The following UGGT2 variants were observed in gnomAD, a reference collection of about 807,000 sequenced individuals.
UGGT2 encodes the protein UDP-glucose:glycoprotein glucosyltransferase 2.
A neutral mutation model predicts 192.1 loss-of-function variants in UGGT2; 180 were observed. The observed-to-expected ratio is 0.94, with a 90% CI of 0.83 to 1.06. The LOEUF (loss-of-function observed/expected upper bound fraction) is 1.06. UGGT2 is among the 50% of genes least tolerant of loss of function. The pLI is 0.00. For missense variants in UGGT2, 1,849 were observed against 1,795.7 expected, an observed-to-expected ratio of 1.03 and a Z score of -0.54; for synonymous variants, 580 against 591.0, an observed-to-expected ratio of 0.98 and a Z score of 0.27.
chr13:95,921,380 T>C (rs1279828204), intron 20 of UGGT2, among the ~76,000 whole-genome samples: 1 of 151,902 alleles, frequency 6.6e-6, no homozygotes, highest in African/African-American at 2.4e-5. Context: ...TGACAGTATT[T>C]TTGTTGTTGT....
intron 20 of UGGT2, among the ~76,000 whole-genome samples, chr13:95,911,743 A>G (rs142366482): frequency 1.1e-4 from 16 of 152,248 alleles, no homozygotes; most frequent in African/African-American, 3.6e-4. Flanking sequence ...TATGAGGCCA[A>G]TATCATCCTG....
intron 5 of UGGT2, among the ~76,000 whole-genome samples, chr13:96,007,301 C>T (rs1399532625): frequency 6.6e-6 from 1 of 152,082 alleles, no homozygotes; most frequent in Non-Finnish European, 1.5e-5. Context: ...GAACATACCT[C>T]AAAATAATTA....
rs1190792430 is a variant in UGGT2 at position 95,943,530 on chromosome 13, A to G, written c.1678-3439T>C. Among the ~76,000 whole-genome samples the G allele has an allele frequency of 2.0e-5, 3 of 152,016 alleles. No individual in the cohort carries two copies. The East Asian group carries it at 5.8e-4, about 29-fold the overall frequency. On this transcript the variant is annotated intron_variant, in intron 15 of 38. Transcript: ENST00000376747. Reference sequence around the variant, plus strand: ...GGCTATATATGTTATTAATTTATCCAAGCACCTAAAACAGGGTGTGGTATG... The same window carrying G: ...GGCTATATATGTTATTAATTTATCCGAGCACCTAAAACAGGGTGTGGTATG...
In UGGT2 at chr13:95,912,793, C is replaced by A. The variant is rs925370528; in HGVS notation, c.2296-9733G>T. ...CTGCATTGCCAAGACAATCCTAAGC[C>A]AAAAGAACAAAGCTGGAGGCATCAC... is the stretch of plus-strand genomic sequence containing the variant. On this transcript the variant is annotated intron_variant, in intron 20 of 38. Coordinates refer to ENST00000376747, the MANE Select transcript of UGGT2 (RefSeq NM_020121.4). Among the ~76,000 whole-genome samples, 9 of 152,034 alleles carry A rather than the reference C, an allele frequency of 5.9e-5. No individual in the cohort carries two copies. The South Asian group carries it at 6.2e-4, about 11-fold the overall frequency.
intron 4 of UGGT2, 92 bp downstream of exon 4, chr13:96,022,948 G>T: frequency 1.3e-6 from 1 of 784,168 alleles, no homozygotes; most frequent in Non-Finnish European, 1.8e-6. Context: ...CAATGTCTTA[G>T]AATATTAAAT....
At chr13:95,853,116 C>G (rs1454750991) in intron 36 of UGGT2, among the ~76,000 whole-genome samples, 1 of 152,154 alleles carries the variant, frequency 6.6e-6, no homozygotes, top group Non-Finnish European at 1.5e-5. Context: ...CTCATTCTCT[C>G]TCCTGCCACC....
intron 4 of UGGT2, among the ~76,000 whole-genome samples, chr13:96,019,048 A>C (rs773176898): frequency 6.7e-6 from 1 of 149,568 alleles, no homozygotes; most frequent in East Asian, 2.0e-4. Flanking sequence ...TATTGATAAG[A>C]TATCACAAAC....
At chr13:95,825,220 T>C (rs187644787) in intron 38 of UGGT2, among the ~76,000 whole-genome samples, 1 of 152,284 alleles carries the variant, frequency 6.6e-6, no homozygotes, top group East Asian at 1.9e-4. Flanking sequence ...GTATTTTATT[T>C]ACTGAGTTGA....
At chr13:95,871,633 C>T (rs1891229840) in intron 29 of UGGT2, among the ~76,000 whole-genome samples, 2 of 152,186 alleles carry the variant, frequency 1.3e-5, no homozygotes, top group South Asian at 2.1e-4. Flanking sequence ...CAGGAGAGTG[C>T]TTACTGCCTC....
intron 20 of UGGT2, among the ~76,000 whole-genome samples, chr13:95,910,761 C>A (rs2048466997): frequency 6.6e-6 from 1 of 152,182 alleles, no homozygotes. Flanking sequence ...ACAGAACTCT[C>A]CACCCCAAAT....
intron 37 of UGGT2, among the ~76,000 whole-genome samples, chr13:95,836,628 T>G (rs1487460681): frequency 6.6e-6 from 1 of 152,168 alleles, no homozygotes; most frequent in Non-Finnish European, 1.5e-5. Context: ...CAGCCCCCAG[T>G]AAAACCCCTG....
Position 95,972,675 on chromosome 13 carries a change from G to T in UGGT2, c.1093-4C>A, listed in dbSNP as rs1313930408. On this transcript the variant is annotated splice_polypyrimidine_tract_variant and splice_region_variant and intron_variant, in intron 10 of 38. Transcript: ENST00000376747. ...TTTTAAATCTAACTTGAAGATCCTT[G>T]AAGTAGAGCAAAGCAATAGTTAACC... 6.2e-7 allele frequency: 1 copy of T among 1,609,416 alleles called. No homozygotes were observed. Among genetic ancestry groups the T allele is most frequent in the Non-Finnish European group, 8.5e-7 (1 of 1,176,104 alleles).
At chr13:95,918,145 G>A (rs1246593511) in intron 20 of UGGT2, among the ~76,000 whole-genome samples, 5 of 152,038 alleles carry the variant, frequency 3.3e-5, no homozygotes, top group Admixed American at 1.3e-4. Context: ...GAAGTAAAAC[G>A]TTCCTCAGCA....
At chr13:95,816,919 G>C (rs1203103185) in intron 38 of UGGT2, among the ~76,000 whole-genome samples, 4 of 152,138 alleles carry the variant, frequency 2.6e-5, no homozygotes. Context: ...TTGAGGTCAG[G>C]AGTTCAAGAC....
At chr13:95,818,617 T>A (rs1885168932) in intron 38 of UGGT2, among the ~76,000 whole-genome samples, 1 of 152,088 alleles carries the variant, frequency 6.6e-6, no homozygotes, top group South Asian at 2.1e-4. Flanking sequence ...GTCTCTAGCA[T>A]CTTCCAGAAG....
chr13:95,914,595 T>G (rs2048618266), intron 20 of UGGT2, among the ~76,000 whole-genome samples: 1 of 124,704 alleles, frequency 8.0e-6, no homozygotes, highest in Non-Finnish European at 1.6e-5. Context: ...GCCATTATGG[T>G]GAAACTCCAT....
chr13:95,947,001 C>A, intron 15 of UGGT2, 36 bp downstream of exon 15: 1 of 1,490,342 alleles, frequency 6.7e-7, no homozygotes, highest in Non-Finnish European at 8.9e-7. Context: ...AAGAATTTTA[C>A]CTTCTAAACA....
intron 29 of UGGT2, among the ~76,000 whole-genome samples, chr13:95,875,852 T>C (rs1891626838): frequency 6.6e-6 from 1 of 151,842 alleles, no homozygotes. Context: ...TAACCCCTAC[T>C]CCTATATTAT....
At chr13:95,868,459 GTGGTGGCCAGCGC>G (rs1381137166) in intron 29 of UGGT2, among the ~76,000 whole-genome samples, 1 of 152,114 alleles carries the variant, frequency 6.6e-6, no homozygotes, top group Non-Finnish European at 1.5e-5. Context: ...TTAGCTGGAT[GTGGTGGCCAGCGC>G]TGTGGTCCCA....
Sources: gnomAD v4.1 joint callset for allele counts (sites outside exome capture counted in the v4.1 genomes callset) on GRCh38, gnomAD v4.1.1 for gene constraint, MANE v1.5 for transcripts, NCBI Gene and HGNC (gene_info 2026-07-23, HGNC 2026-07-21) for gene names.